The following CDH12 variants were observed in gnomAD, a reference collection of about 807,000 sequenced individuals.
The protein encoded by CDH12 is cadherin-12.
CDH12 carries 41 observed loss-of-function variants against 74.1 expected under a neutral mutation model. The observed-to-expected ratio is 0.55, with a 90% CI of 0.43 to 0.72. The LOEUF is 0.72. Among genes scored for constraint, CDH12 ranks in the 30% least tolerant of loss-of-function variants. The pLI, the probability that CDH12 is intolerant of heterozygous loss-of-function variation, is 0.00. For missense variants in CDH12, 945 were observed against 977.2 expected (o/e 0.97, Z 0.44); for synonymous variants, 399 against 355.0 (o/e 1.12, Z -1.39).
At chr5:22,050,206 T>C (rs1740264266) in intron 5 of CDH12, among the ~76,000 whole-genome samples, 1 of 152,100 alleles carries the variant, frequency 6.6e-6, no homozygotes, top group Non-Finnish European at 1.5e-5. Context: ...CACAAGTTGA[T>C]TGCCTGCTAC....
chr5:21,970,839 CAAAAAAAAAAAAAAAAAAAAAAA>C lies in CDH12; in HGVS notation c.526+4229_526+4251del, dbSNP rs1167373938. Among the ~76,000 whole-genome samples the C allele has an allele frequency of 4.0e-4, 11 of 27,794 alleles. No individual in the cohort carries two copies. In the East Asian group the frequency reaches 0.024, roughly 61 times the overall value. The allele number at this position is 27,794 out of a possible 152,430, so 18.2% of individuals were successfully genotyped here. A position where few individuals can be genotyped will look rare whatever the true frequency, so the allele number is the denominator to read the frequency against. On this transcript the variant is annotated intron_variant, in intron 6 of 14. Coordinates refer to ENST00000382254, the MANE Select transcript of CDH12 (RefSeq NM_004061.5). ...TGGGCAATAGAGCAAGACTCTTTCT[CAAAAAAAAAAAAAAAAAAAAAAA>C]AAAAAAAAAAAAGAAAAAAGAAAAT...
At chr5:22,497,028 G>A (rs905355260) in intron 2 of CDH12, among the ~76,000 whole-genome samples, 12 of 151,982 alleles carry the variant, frequency 7.9e-5, no homozygotes, top group South Asian at 2.1e-4. Context: ...GACTTTTAGC[G>A]TCATTTTCTC....
In CDH12 at chr5:22,619,402, A is replaced by G; in HGVS notation, c.-522-114038T>C. On this transcript the variant is annotated intron_variant, in intron 1 of 14. Coordinates refer to ENST00000382254, the MANE Select transcript of CDH12 (RefSeq NM_004061.5). Reference sequence around the variant, plus strand: ...CCTGCTGATTTTATAGTAAACTAGTAAACACTGACTAGAGTCCTGACTATA... The same window carrying G: ...CCTGCTGATTTTATAGTAAACTAGTGAACACTGACTAGAGTCCTGACTATA... Among the ~76,000 whole-genome samples, 2 of 152,114 alleles carry G rather than the reference A, an allele frequency of 1.3e-5. 1 individual carries two copies. Among genetic ancestry groups the G allele is most frequent in the East Asian group, 3.9e-4 (2 of 5,188 alleles).
chr5:21,935,689 C>T (rs976049755), intron 6 of CDH12, among the ~76,000 whole-genome samples: 1 of 152,170 alleles, frequency 6.6e-6, no homozygotes, highest in Non-Finnish European at 1.5e-5. Context: ...AGGTCTTATT[C>T]ATTCTTTCTA....
intron 1 of CDH12, among the ~76,000 whole-genome samples, chr5:22,532,231 T>A (rs1737615063): frequency 6.6e-6 from 1 of 150,428 alleles, no homozygotes; most frequent in Admixed American, 6.6e-5. Flanking sequence ...CTTTGTACGT[T>A]TTCAAGGATG....
chr5:21,914,437 G>A (rs1225610600), intron 6 of CDH12, among the ~76,000 whole-genome samples: 4 of 152,032 alleles, frequency 2.6e-5, no homozygotes, highest in Admixed American at 1.3e-4. Flanking sequence ...ATATCTACAA[G>A]TCATATGTAT....
At chr5:21,811,715 T>TTTTG (rs983936919) in intron 9 of CDH12, among the ~76,000 whole-genome samples, 1 of 151,170 alleles carries the variant, frequency 6.6e-6, no homozygotes, top group Non-Finnish European at 1.5e-5. Flanking sequence ...CAAGCTTTTT[T>TTTTG]TTTTTTTTAC....
At chr5:21,957,381 TGCATGTG>T (rs1756149691) in intron 6 of CDH12, among the ~76,000 whole-genome samples, 1 of 152,228 alleles carries the variant, frequency 6.6e-6, no homozygotes, top group Non-Finnish European at 1.5e-5. Context: ...AACATTTGTG[TGCATGTG>T]TCTTTATGGT....
At chr5:22,726,924 T>C (rs1038619024) in intron 1 of CDH12, among the ~76,000 whole-genome samples, 9 of 151,878 alleles carry the variant, frequency 5.9e-5, no homozygotes, top group African/African-American at 2.2e-4. Flanking sequence ...TAAACACTCT[T>C]ATTCTCTTAA....
rs145253317 is a variant in CDH12 at position 22,474,458 on chromosome 5, A to G, written c.-428+30812T>C. Among the ~76,000 whole-genome samples, 1,364 of 152,288 alleles carry G rather than the reference A, an allele frequency of 9.0e-3. 11 individuals are homozygous for G. Among genetic ancestry groups the G allele is most frequent in the Middle Eastern group, 0.014 (4 of 294 alleles). On this transcript the variant is annotated intron_variant, in intron 2 of 14. Coordinates refer to ENST00000382254, the MANE Select transcript of CDH12 (RefSeq NM_004061.5). ...TCCAACTGAGTTCTGAAAGAAATGGATAACTGAGTGGTCAAATAGACAGCA... is the reference window on the plus strand; with the variant it reads ...TCCAACTGAGTTCTGAAAGAAATGGGTAACTGAGTGGTCAAATAGACAGCA...
chr5:21,880,382 C>G (rs1220286835), intron 6 of CDH12, among the ~76,000 whole-genome samples: 2 of 152,186 alleles, frequency 1.3e-5, no homozygotes, highest in African/African-American at 4.8e-5. Flanking sequence ...GCACTAAGTT[C>G]TTGTCTGTAG....
At chr5:22,087,726 T>C (rs1278519952) in intron 4 of CDH12, among the ~76,000 whole-genome samples, 1 of 152,188 alleles carries the variant, frequency 6.6e-6, no homozygotes, top group African/African-American at 2.4e-5. Flanking sequence ...TTCATAAAAA[T>C]TCAAGATCTC....
intron 1 of CDH12, among the ~76,000 whole-genome samples, chr5:22,751,491 T>C (rs1195186636): frequency 6.6e-6 from 1 of 151,968 alleles, no homozygotes. Context: ...ATTATCATTA[T>C]TTTCCCTAGA....
intron 8 of CDH12, among the ~76,000 whole-genome samples, chr5:21,822,206 A>G (rs1748407257): frequency 1.1e-5 from 1 of 89,498 alleles, no homozygotes; most frequent in South Asian, 3.6e-4. Context: ...ATTATTTATT[A>G]CTAGTTAACT....
intron 1 of CDH12, among the ~76,000 whole-genome samples, chr5:22,731,997 A>C (rs1444534744): frequency 6.6e-6 from 1 of 151,876 alleles, no homozygotes; most frequent in Non-Finnish European, 1.5e-5. Flanking sequence ...GAGAGAAACT[A>C]AGGGTTGAAC....
chr5:21,790,474 A>C (rs1315096451), intron 10 of CDH12, among the ~76,000 whole-genome samples: 1 of 152,080 alleles, frequency 6.6e-6, no homozygotes, highest in African/African-American at 2.4e-5. Flanking sequence ...AGATGCAATG[A>C]AATGTAGCAT....
Position 22,134,767 on chromosome 5 carries a change from A to G in CDH12, c.-186-55905T>C, listed in dbSNP as rs577185143. On this transcript the variant is annotated intron_variant, in intron 4 of 14. Transcript: ENST00000382254. ...GCTATGGATGCTTTATAAAGCTACA[A>G]TGTAAATTTATTTCTCTCCATAATC... 7.2e-4 allele frequency among the ~76,000 whole-genome samples: 105 copies of G among 146,422 alleles called. 5 individuals carry two copies. The highest frequency in any genetic ancestry group is 2.7e-4 in the Non-Finnish European group (18 of 66,838).
chr5:21,924,722 T>C (rs560347956), intron 6 of CDH12, among the ~76,000 whole-genome samples: 1 of 152,276 alleles, frequency 6.6e-6, no homozygotes, highest in Admixed American at 6.5e-5. Flanking sequence ...TTGGACAATG[T>C]AAGAATCTAC....
chr5:22,156,199 G>A (rs1479522590), intron 4 of CDH12, among the ~76,000 whole-genome samples: 1 of 152,142 alleles, frequency 6.6e-6, no homozygotes, highest in Non-Finnish European at 1.5e-5. Flanking sequence ...TGTCTCATCA[G>A]AAGTCAGTTT....
Sources: gnomAD v4.1 joint callset for allele counts (sites outside exome capture counted in the v4.1 genomes callset) on GRCh38, gnomAD v4.1.1 for gene constraint, MANE v1.5 for transcripts, NCBI Gene and HGNC (gene_info 2026-07-23, HGNC 2026-07-21) for gene names.